Variants in CTNNA3 observed in about 807,000 individuals in gnomAD.
CTNNA3 encodes the protein catenin alpha-3.
CTNNA3 carries 76 observed loss-of-function variants against 95.7 expected under a neutral mutation model. That is an observed-to-expected ratio of 0.79 (90% CI 0.66 to 0.96). The LOEUF (loss-of-function observed/expected upper bound fraction) is 0.96, where lower values mean the gene tolerates loss of function less well. Ranked by LOEUF, CTNNA3 falls within the 40% of genes least tolerant of loss-of-function variation. The pLI is 0.00. For synonymous variants in CTNNA3, 431 were observed against 374.4 expected, an observed-to-expected ratio of 1.15 and a Z score of -1.74; for missense variants, 1,191 against 1,089.8, an observed-to-expected ratio of 1.09 and a Z score of -1.31.
intron 11 of CTNNA3, among the ~76,000 whole-genome samples, chr10:66,409,643 C>T (rs906519634): frequency 3.9e-5 from 6 of 152,088 alleles, no homozygotes; most frequent in African/African-American, 1.2e-4. Context: ...GGCAGTGAGA[C>T]CATAACTATA....
chr10:66,604,788 C>A (rs1422088935), intron 10 of CTNNA3, among the ~76,000 whole-genome samples: 98 of 135,852 alleles, frequency 7.2e-4, no homozygotes, highest in South Asian at 1.2e-3. Context: ...AGGATAAAAG[C>A]AAAAAAAAAA....
rs145822849 is a variant in CTNNA3 at position 67,130,793 on chromosome 10, G to A, written c.1047+49524C>T. 6.4e-3 allele frequency among the ~76,000 whole-genome samples: 969 copies of A among 152,176 alleles called. 11 individuals carry two copies. The highest frequency in any genetic ancestry group is 0.022 in the African/African-American group (907 of 41,544). On this transcript the variant is annotated intron_variant, in intron 7 of 17. Coordinates refer to ENST00000433211, the MANE Select transcript of CTNNA3 (RefSeq NM_013266.4). ...AACCTGTCCCACAGCAGAAGATGAGGACCTGGTAGACGATATCCAACACAG... is the reference window on the plus strand; with the variant it reads ...AACCTGTCCCACAGCAGAAGATGAGAACCTGGTAGACGATATCCAACACAG...
chr10:66,595,849 G>C (rs2132242121), intron 10 of CTNNA3, among the ~76,000 whole-genome samples: 1 of 152,020 alleles, frequency 6.6e-6, no homozygotes, highest in East Asian at 1.9e-4. Context: ...GGGTTTCACT[G>C]TGTTGCACAG....
intron 17 of CTNNA3, among the ~76,000 whole-genome samples, chr10:65,930,154 C>T (rs1024629618): frequency 1.5e-5 from 2 of 134,412 alleles, no homozygotes; most frequent in Non-Finnish European, 3.1e-5. Context: ...GAGGTCAGCT[C>T]GGTTAATCAC....
At chr10:67,235,872 A>G (rs1359985124) in intron 5 of CTNNA3, among the ~76,000 whole-genome samples, 2 of 142,124 alleles carry the variant, frequency 1.4e-5, no homozygotes, top group African/African-American at 2.9e-5. Context: ...ACTCTTCTCA[A>G]AAGAAGACAT....
At chr10:66,485,555 A>T (rs976572898) in intron 11 of CTNNA3, among the ~76,000 whole-genome samples, 1 of 152,164 alleles carries the variant, frequency 6.6e-6, no homozygotes, top group Non-Finnish European at 1.5e-5. Flanking sequence ...AGATCTGTTT[A>T]CTAAAAATTA....
At chr10:67,145,667 G>T (rs1314658260) in intron 7 of CTNNA3, among the ~76,000 whole-genome samples, 1 of 151,984 alleles carries the variant, frequency 6.6e-6, no homozygotes, top group African/African-American at 2.4e-5. Flanking sequence ...CTGACCTCGT[G>T]ATCCACCTGC....
rs376004369 is a variant in CTNNA3, at chr10:65,946,900, A to G, written c.2400+19712T>C. Among the ~76,000 whole-genome samples, 10 of 152,266 alleles carry G rather than the reference A, an allele frequency of 6.6e-5. No individual in the cohort carries two copies. In the East Asian group the frequency reaches 1.9e-3, roughly 29 times the overall value. ...AAGTTCTATTCTGTACAGTAATTGA[A>G]TATTTCTGACATGTAACCTTATATA... On this transcript the variant is annotated intron_variant, in intron 17 of 17. Transcript: ENST00000433211.
intron 9 of CTNNA3, among the ~76,000 whole-genome samples, chr10:66,727,521 T>A (rs975815772): frequency 6.6e-6 from 1 of 152,142 alleles, no homozygotes; most frequent in African/African-American, 2.4e-5. Context: ...GATACTATGA[T>A]AATGATCATA....
At position 65,915,352 on chromosome 10, in the gene CTNNA3, T is replaced by G. The variant is rs538454019; in HGVS notation, c.*4978A>C. 2.6e-5 allele frequency: 4 copies of G among 152,148 alleles called. No individual in the cohort carries two copies. The highest frequency in any genetic ancestry group is 7.2e-5 in the African/African-American group (3 of 41,518). 9.4% of individuals were successfully genotyped at this position (152,148 alleles called of 1,614,324 possible). On this transcript the variant is annotated 3_prime_UTR_variant, in exon 18 of 18. Coordinates refer to ENST00000433211, the MANE Select transcript of CTNNA3 (RefSeq NM_013266.4). ...GTGTCTCATTCTATCCTTAATACTTTCCTCAGGAGGGCTGCCTAATCTTCA... is the reference window on the plus strand; with the variant it reads ...GTGTCTCATTCTATCCTTAATACTTGCCTCAGGAGGGCTGCCTAATCTTCA...
intron 7 of CTNNA3, among the ~76,000 whole-genome samples, chr10:67,159,745 A>G (rs935661328): frequency 6.6e-6 from 1 of 152,184 alleles, no homozygotes; most frequent in Non-Finnish European, 1.5e-5. Flanking sequence ...AGACTTAAAC[A>G]TAAGACCTGA....
chr10:66,840,506 T>C (rs1246745517), intron 7 of CTNNA3, among the ~76,000 whole-genome samples: 4 of 152,006 alleles, frequency 2.6e-5, no homozygotes, highest in Non-Finnish European at 5.9e-5. Context: ...CTTTGTATTC[T>C]CAGCACCTGA....
At chr10:66,186,922 G>A (rs539678749) in intron 13 of CTNNA3, among the ~76,000 whole-genome samples, 77 of 152,174 alleles carry the variant, frequency 5.1e-4, no homozygotes, top group Non-Finnish European at 9.7e-4. Flanking sequence ...AAAAATAATC[G>A]CTGAATCTTG....
intron 12 of CTNNA3, among the ~76,000 whole-genome samples, chr10:66,342,374 C>A (rs1268670165): frequency 6.6e-6 from 1 of 151,932 alleles, no homozygotes; most frequent in Non-Finnish European, 1.5e-5. Flanking sequence ...TCCATTTATT[C>A]ATTTAGAAAA....
intron 7 of CTNNA3, among the ~76,000 whole-genome samples, chr10:66,805,337 G>A (rs1158505369): frequency 6.6e-6 from 1 of 151,348 alleles, no homozygotes; most frequent in Non-Finnish European, 1.5e-5. Context: ...CAGTCTTAGG[G>A]ACTCCTGACA....
intron 9 of CTNNA3, among the ~76,000 whole-genome samples, chr10:66,679,778 T>C (rs1846999965): frequency 6.6e-6 from 1 of 152,180 alleles, no homozygotes; most frequent in African/African-American, 2.4e-5. Context: ...ACACACAACA[T>C]GCAAACTACT....
intron 10 of CTNNA3, among the ~76,000 whole-genome samples, chr10:66,610,415 G>A (rs1383364869): frequency 1.3e-5 from 2 of 151,986 alleles, no homozygotes; most frequent in African/African-American, 4.8e-5. Context: ...AGCAACCCTA[G>A]ACAATAAATA....
At chr10:66,956,120 C>T (rs1483149054) in intron 7 of CTNNA3, among the ~76,000 whole-genome samples, 2 of 151,930 alleles carry the variant, frequency 1.3e-5, no homozygotes, top group African/African-American at 4.8e-5. Flanking sequence ...GGAAGAAGAA[C>T]CTTTTTGCTT....
intron 7 of CTNNA3, among the ~76,000 whole-genome samples, chr10:66,902,746 A>T (rs1434655971): frequency 1.3e-5 from 2 of 152,216 alleles, no homozygotes; most frequent in Non-Finnish European, 2.9e-5. Flanking sequence ...GAATACTATA[A>T]CACCTCTATG....
Sources: allele counts gnomAD v4.1 joint callset (sites outside exome capture counted in the v4.1 genomes callset), GRCh38; gene constraint gnomAD v4.1.1; transcripts MANE v1.5; gene names NCBI Gene and HGNC (gene_info 2026-07-23, HGNC 2026-07-21).